Variants in USH2A observed in about 807,000 individuals in gnomAD.
USH2A encodes Usher syndrome 2A (autosomal recessive, mild).
A neutral mutation model predicts 538.9 loss-of-function variants in USH2A; 443 were observed. The ratio of observed to expected loss-of-function variants is 0.82; its 90% confidence interval spans 0.76 to 0.89. USH2A has a LOEUF of 0.89. USH2A is among the 40% of genes least tolerant of loss of function. The pLI, the probability that USH2A is intolerant of heterozygous loss-of-function variation, is 0.00. For synonymous variants in USH2A, 2,413 were observed against 2,273.5 expected, an observed-to-expected ratio of 1.06 and a Z score of -1.75; for missense variants, 6,633 against 6,324.8, an observed-to-expected ratio of 1.05 and a Z score of -1.65.
At chr1:215,739,669 T>G (rs142985242) in intron 60 of USH2A, among the ~76,000 whole-genome samples, 23 of 152,372 alleles carry the variant, frequency 1.5e-4, no homozygotes, top group African/African-American at 4.3e-4. Context: ...TCAGAAATAT[T>G]ATTCTTCAAA....
intron 36 of USH2A, among the ~76,000 whole-genome samples, chr1:215,967,356 A>G (rs1181407504): frequency 6.6e-6 from 1 of 151,954 alleles, no homozygotes; most frequent in Non-Finnish European, 1.5e-5. Context: ...TTTAGTAGAG[A>G]TGGGGTTTCA....
At position 215,709,645 on chromosome 1, in the gene USH2A, T is replaced by TA. The variant is rs5780846; in HGVS notation, c.12066+18384dup. Among the ~76,000 whole-genome samples the TA allele has an allele frequency of 4.2e-3, 527 of 126,986 alleles. 2 individuals are homozygous for TA. Among genetic ancestry groups the TA allele is most frequent in the African/African-American group, 0.01 (344 of 33,312 alleles). The allele number at this position is 126,986 out of a possible 152,430, so 83.3% of individuals were successfully genotyped here. ...AAGATAGATGCTTGAAGATAATTTGTAAAAAAAAAAAAAAAAAAAAAAAAA... is the reference window on the plus strand; with the variant it reads ...AAGATAGATGCTTGAAGATAATTTGTAAAAAAAAAAAAAAAAAAAAAAAAAA... On this transcript the variant is annotated intron_variant, in intron 61 of 71. Coordinates refer to ENST00000307340, the MANE Select transcript of USH2A (RefSeq NM_206933.4).
intron 4 of USH2A, among the ~76,000 whole-genome samples, chr1:216,336,978 G>C (rs1012176127): frequency 6.6e-6 from 1 of 151,368 alleles, no homozygotes; most frequent in Admixed American, 6.6e-5. Flanking sequence ...ATTTCCTTAG[G>C]AACAAGGTAG....
At chr1:215,763,590 G>A (rs893256643) in intron 56 of USH2A, among the ~76,000 whole-genome samples, 1 of 152,072 alleles carries the variant, frequency 6.6e-6, no homozygotes, top group African/African-American at 2.4e-5. Context: ...AAAAATTGAT[G>A]GAAGTTAAAA....
chr1:216,038,139 C>G (rs1245320759), intron 32 of USH2A, among the ~76,000 whole-genome samples: 2 of 152,026 alleles, frequency 1.3e-5, no homozygotes, highest in Non-Finnish European at 2.9e-5. Context: ...CAGGCTTCAT[C>G]TTTAATACTG....
At chr1:215,959,340 ATCTG>A (rs1195848515) in intron 37 of USH2A, among the ~76,000 whole-genome samples, 1 of 152,102 alleles carries the variant, frequency 6.6e-6, no homozygotes, top group Non-Finnish European at 1.5e-5. Context: ...AATAAAAAGC[ATCTG>A]ATTATGCTCA....
intron 44 of USH2A, among the ~76,000 whole-genome samples, chr1:215,862,730 A>G (rs189737767): frequency 1.6e-4 from 24 of 152,314 alleles, no homozygotes; most frequent in Non-Finnish European, 1.9e-4. Flanking sequence ...GGTGATTACT[A>G]ATTGTTAAAC....
intron 50 of USH2A, among the ~76,000 whole-genome samples, chr1:215,794,913 G>A (rs1456518907): frequency 6.6e-6 from 1 of 152,200 alleles, no homozygotes; most frequent in African/African-American, 2.4e-5. Context: ...GTGAGGGTTT[G>A]TAACTTCCAA....
chr1:216,101,943 G>A (rs890082266), intron 21 of USH2A, among the ~76,000 whole-genome samples: 9 of 152,122 alleles, frequency 5.9e-5, no homozygotes, highest in African/African-American at 2.2e-4. Context: ...CAAGTAAGAG[G>A]TTTACAACTT....
intron 21 of USH2A, among the ~76,000 whole-genome samples, chr1:216,164,362 G>A (rs538353339): frequency 6.6e-6 from 1 of 152,150 alleles, no homozygotes; most frequent in African/African-American, 2.4e-5. Flanking sequence ...CATAGGGTGA[G>A]GATTAAGGAA....
chr1:215,965,850 C>A (rs546440452), intron 36 of USH2A, among the ~76,000 whole-genome samples: 52 of 151,222 alleles, frequency 3.4e-4, no homozygotes, highest in Non-Finnish European at 6.0e-4. Flanking sequence ...TTTATAAGTC[C>A]TTGACTTAGG....
At chr1:216,333,877 A>G (rs932945537) in intron 4 of USH2A, among the ~76,000 whole-genome samples, 2 of 152,076 alleles carry the variant, frequency 1.3e-5, no homozygotes, top group Admixed American at 1.3e-4. Flanking sequence ...TCCTTCAAAA[A>G]TGCAGGATAA....
chr1:216,167,350 G>A (rs1194555283), intron 21 of USH2A, among the ~76,000 whole-genome samples: 1 of 152,070 alleles, frequency 6.6e-6, no homozygotes, highest in Non-Finnish European at 1.5e-5. Flanking sequence ...TCTCCCTATA[G>A]ATAGAAACAC....
intron 44 of USH2A, among the ~76,000 whole-genome samples, chr1:215,847,027 C>A (rs556359707): frequency 2.3e-4 from 35 of 152,192 alleles, no homozygotes; most frequent in Non-Finnish European, 4.6e-4. Context: ...TAAAAGATAC[C>A]AAAATCAATC....
intron 3 of USH2A, among the ~76,000 whole-genome samples, chr1:216,394,860 A>C (rs1571776127): frequency 1.3e-5 from 2 of 151,590 alleles, no homozygotes; most frequent in Admixed American, 1.3e-4. Context: ...CTGGGACTAC[A>C]GGCGCCCGCC....
intron 20 of USH2A, among the ~76,000 whole-genome samples, chr1:216,184,625 A>T (rs1652405456): frequency 6.6e-6 from 1 of 151,978 alleles, no homozygotes; most frequent in African/African-American, 2.4e-5. Context: ...CAGAGAAGTA[A>T]CTGGGTGATT....
rs1417015880 is a variant in USH2A, at chr1:216,247,041, A to G, written c.2353T>C (p.Tyr785His). ...LQCDTCRENF[Y>H]GLDVTNCKAC... Reference sequence around the variant, plus strand: ...TTACAATTGGTGACATCTAACCCATAAAAGTTTTCTCTGCAGGTGTCACAC... The same window carrying G: ...TTACAATTGGTGACATCTAACCCATGAAAGTTTTCTCTGCAGGTGTCACAC... Residue 785 changes from tyrosine to histidine, a missense_variant, in exon 13 of 72, where the codon TAT becomes CAT. By Grantham distance (83) the Tyr-to-His change is moderately conservative. Coordinates refer to ENST00000307340, the MANE Select transcript of USH2A (RefSeq NM_206933.4). 6 of 1,614,050 alleles carry G rather than the reference A, an allele frequency of 3.7e-6. No individual in the cohort carries two copies. The highest frequency in any genetic ancestry group is 4.2e-6 in the Non-Finnish European group (5 of 1,179,972).
intron 38 of USH2A, among the ~76,000 whole-genome samples, chr1:215,932,630 C>T (rs1256789862): frequency 2.0e-5 from 3 of 151,974 alleles, no homozygotes; most frequent in African/African-American, 7.2e-5. Flanking sequence ...TAAACTTTAG[C>T]GAATCACTGT....
chr1:216,383,055 C>T (rs1304001500), intron 3 of USH2A, among the ~76,000 whole-genome samples: 1 of 152,058 alleles, frequency 6.6e-6, no homozygotes, highest in East Asian at 1.9e-4. Flanking sequence ...GGCTGGTAGT[C>T]CTGGGATTTT....
Sources: gnomAD v4.1 joint callset for allele counts (sites outside exome capture counted in the v4.1 genomes callset) on GRCh38, gnomAD v4.1.1 for gene constraint, MANE v1.5 for transcripts, NCBI Gene and HGNC (gene_info 2026-07-23, HGNC 2026-07-21) for gene names.